CYTH3: variants seen among roughly 807,000 people sequenced by gnomAD.
CYTH3 encodes the protein cytohesin-3.
In CYTH3, 23 loss-of-function variants were observed where a neutral mutation model predicts 55.1. The ratio of observed to expected loss-of-function variants is 0.42; its 90% CI spans 0.30 to 0.59. CYTH3 has a LOEUF of 0.59. CYTH3 is among the 20% of genes least tolerant of loss of function. CYTH3 has a pLI of 0.20. For synonymous variants in CYTH3, 249 were observed against 194.9 expected, an observed-to-expected ratio of 1.28 and a Z score of -2.31; for missense variants, 413 against 524.8, an observed-to-expected ratio of 0.79 and a Z score of 2.08.
rs35933979 is a variant in CYTH3 at position 6,229,648 on chromosome 7, G to GAA, written c.35-39119_35-39118dup. Among the ~76,000 whole-genome samples, 157 of 108,578 alleles carry GAA rather than the reference G, an allele frequency of 1.4e-3. 1 individual carries two copies. Among genetic ancestry groups the GAA allele is most frequent in the East Asian group, 0.013 (48 of 3,788 alleles). 71.2% of individuals were successfully genotyped at this position (108,578 alleles called of 152,430 possible). A position where few individuals can be genotyped will look rare whatever the true frequency, so the allele number is the denominator to read the frequency against. On this transcript the variant is annotated intron_variant, in intron 1 of 12. Transcript: ENST00000350796. The stretch of plus-strand genomic sequence containing the variant: ...AACATAGTGAAACCCCGTCTCTACT[G>GAA]AAAAAAAAAAAAAAAAAAATTAGCC...
At chr7:6,231,787 A>T (rs1229783414) in intron 1 of CYTH3, among the ~76,000 whole-genome samples, 1 of 152,184 alleles carries the variant, frequency 6.6e-6, no homozygotes, top group Non-Finnish European at 1.5e-5. Flanking sequence ...TTATAATTGG[A>T]AAATTGTCAT....
At chr7:6,238,586 G>A (rs753013079) in intron 1 of CYTH3, among the ~76,000 whole-genome samples, 1 of 152,178 alleles carries the variant, frequency 6.6e-6, no homozygotes, top group Non-Finnish European at 1.5e-5. Flanking sequence ...CAGTGAAACT[G>A]TTCTGGATGA....
intron 4 of CYTH3, among the ~76,000 whole-genome samples, chr7:6,185,469 G>A (rs562671367): frequency 4.0e-4 from 61 of 152,194 alleles, no homozygotes; most frequent in Admixed American, 7.9e-4. Context: ...GGCCAAGGTG[G>A]GCAGATCACA....
At chr7:6,232,534 T>C (rs560961662) in intron 1 of CYTH3, among the ~76,000 whole-genome samples, 65 of 152,290 alleles carry the variant, frequency 4.3e-4, no homozygotes, top group African/African-American at 1.4e-3. Context: ...GTTGTGAACC[T>C]GGCCAATCGC....
chr7:6,272,426 C>T (rs759913788), intron 1 of CYTH3, 48 bp downstream of exon 1: 3 of 1,193,014 alleles, frequency 2.5e-6, no homozygotes, highest in African/African-American at 1.6e-5. Context: ...CAGCCCCCGG[C>T]CCCCGACCCC....
chr7:6,265,645 G>T (rs915350706), intron 1 of CYTH3, among the ~76,000 whole-genome samples: 1 of 150,606 alleles, frequency 6.6e-6, no homozygotes, highest in Admixed American at 6.6e-5. Context: ...AGAAGAAGAA[G>T]AACTTGCAGC....
In CYTH3 at chr7:6,167,459, A is replaced by G. The variant is rs2128536130; in HGVS notation, c.824-1649T>C. Reference sequence around the variant, plus strand: ...CACTACCCTGACATCCGTCACTGTCACGGTCGCCTCTGCTTCCCTCCAGAG... The same window carrying G: ...CACTACCCTGACATCCGTCACTGTCGCGGTCGCCTCTGCTTCCCTCCAGAG... On this transcript the variant is annotated intron_variant, in intron 9 of 12. Coordinates refer to ENST00000350796, the MANE Select transcript of CYTH3 (RefSeq NM_004227.4). The surrounding 1 kb of genome is among the most constrained non-coding windows in gnomAD (Gnocchi z 5.5). Among the ~76,000 whole-genome samples the G allele has an allele frequency of 6.6e-6, 1 of 152,354 alleles. No homozygotes were observed. Among genetic ancestry groups the G allele is most frequent in the South Asian group, 2.1e-4 (1 of 4,824 alleles).
Position 6,187,040 on chromosome 7 carries a change from A to G in CYTH3, c.249+10T>C. The G allele has an allele frequency of 6.2e-7, 1 of 1,613,488 alleles. No individual in the cohort carries two copies. The highest frequency in any genetic ancestry group is 8.5e-7 in the Non-Finnish European group (1 of 1,179,350). The stretch of plus-strand genomic sequence containing the variant: ...TCCTGCAGGCCAGAAAAGGGAGAGC[A>G]TTCTCTTACCTTTTTGGGATCCATG... On this transcript the variant is annotated intron_variant, in intron 4 of 12. Transcript: ENST00000350796.
At chr7:6,259,890 G>C (rs577038984) in intron 1 of CYTH3, among the ~76,000 whole-genome samples, 1 of 129,764 alleles carries the variant, frequency 7.7e-6, no homozygotes, top group South Asian at 2.4e-4. Context: ...GAGAGCAATG[G>C]CGTGATCTCG....
At chr7:6,203,534 A>G (rs1332934165) in intron 1 of CYTH3, among the ~76,000 whole-genome samples, 2 of 152,196 alleles carry the variant, frequency 1.3e-5, no homozygotes, top group Non-Finnish European at 2.9e-5. Context: ...AAAACATTAG[A>G]AAAAAATCCG....
chr7:6,165,845 G>A lies in CYTH3; in HGVS notation c.824-35C>T, dbSNP rs113863233. 434 of 1,607,060 alleles carry A rather than the reference G, an allele frequency of 2.7e-4. 2 individuals carry two copies. The African/African-American group carries it at 4.2e-3, about 16-fold the overall frequency. ...GAAGGGCCCCGTGAGTCTGCGCTCC[G>A]TGCACAGGGAGCCCGCGGGTCCAAG... On this transcript the variant is annotated intron_variant, in intron 9 of 12. Coordinates refer to ENST00000350796, the MANE Select transcript of CYTH3 (RefSeq NM_004227.4).
intron 4 of CYTH3, among the ~76,000 whole-genome samples, chr7:6,185,408 A>G (rs751920970): frequency 6.6e-6 from 1 of 151,242 alleles, no homozygotes; most frequent in African/African-American, 2.5e-5. Context: ...CAACGTGGTG[A>G]AACTGGGCCG....
chr7:6,182,680 TA>T (rs1014370799), intron 4 of CYTH3, among the ~76,000 whole-genome samples: 73 of 152,236 alleles, frequency 4.8e-4, no homozygotes, highest in Non-Finnish European at 6.5e-4. Flanking sequence ...CTTATTTTTT[TA>T]AAAAAACTGT....
At chr7:6,188,023 C>T (rs1164080410) in intron 2 of CYTH3, among the ~76,000 whole-genome samples, 1 of 152,034 alleles carries the variant, frequency 6.6e-6, no homozygotes, top group African/African-American at 2.4e-5. Context: ...GGGAATATCA[C>T]AGCTGTGAAA....
intron 1 of CYTH3, among the ~76,000 whole-genome samples, chr7:6,241,556 T>C (rs1779673127): frequency 6.6e-6 from 1 of 152,148 alleles, no homozygotes; most frequent in Non-Finnish European, 1.5e-5. Context: ...AGAATCCCAC[T>C]TCTGAAAATT....
At chr7:6,262,148 A>G (rs1780367821) in intron 1 of CYTH3, among the ~76,000 whole-genome samples, 1 of 152,214 alleles carries the variant, frequency 6.6e-6, no homozygotes, top group Non-Finnish European at 1.5e-5. Flanking sequence ...AGAGTGAACG[A>G]TGGAGAGGCA....
At chr7:6,168,138 G>A (rs1397365750) in intron 9 of CYTH3, among the ~76,000 whole-genome samples, 1 of 152,068 alleles carries the variant, frequency 6.6e-6, no homozygotes, top group African/African-American at 2.4e-5. Flanking sequence ...ATTGCCGTTA[G>A]CAGGCAGGCG....
chr7:6,188,785 A>G (rs1454364794), intron 2 of CYTH3: 11 of 152,194 alleles, frequency 7.2e-5, no homozygotes, highest in Admixed American at 3.9e-4. Context: ...ACGATTCCAC[A>G]TTTATCCAGC....
At chr7:6,184,094 T>A (rs532522529) in intron 4 of CYTH3, among the ~76,000 whole-genome samples, 3 of 121,636 alleles carry the variant, frequency 2.5e-5, no homozygotes, top group Non-Finnish European at 5.0e-5. Context: ...AGAGTCTCGC[T>A]CTGTCGCCCA....
Sources: gnomAD v4.1 joint callset for allele counts (sites outside exome capture counted in the v4.1 genomes callset) on GRCh38, gnomAD v4.1.1 for gene constraint, Gnocchi (gnomAD v3.1) non-coding constraint, MANE v1.5 for transcripts, NCBI Gene and HGNC (gene_info 2026-07-23, HGNC 2026-07-21) for gene names.